The following CCDC25 variants were observed in gnomAD, a reference collection of about 807,000 sequenced individuals.
The protein encoded by CCDC25 is coiled-coil domain containing 25.
Under a neutral mutation model 35.3 loss-of-function variants are expected in CCDC25, and 16 were observed. The ratio of observed to expected loss-of-function variants is 0.45; its 90% CI spans 0.31 to 0.69. The LOEUF is 0.69. CCDC25 is among the 30% of genes least tolerant of loss of function. The pLI, the probability that CCDC25 is intolerant of heterozygous loss-of-function variation, is 0.06. For missense variants in CCDC25, 179 were observed against 250.7 expected (o/e 0.71, Z 1.93); for synonymous variants, 79 against 80.3 (o/e 0.98, Z 0.09).
At chr8:27,768,061 G>C (rs1333876528) in intron 1 of CCDC25, among the ~76,000 whole-genome samples, 1 of 151,214 alleles carries the variant, frequency 6.6e-6, no homozygotes, top group East Asian at 2.0e-4. Flanking sequence ...TTTTTAATTA[G>C]CTGGGTGTGG....
At chr8:27,749,871 C>T (rs1425243035) in intron 5 of CCDC25, among the ~76,000 whole-genome samples, 1 of 151,906 alleles carries the variant, frequency 6.6e-6, no homozygotes, top group Non-Finnish European at 1.5e-5. Flanking sequence ...GATGGTTCAG[C>T]TAAAAAGGTT....
chr8:27,740,612 G>A, intron 7 of CCDC25, 95 bp from the exon 8 acceptor site: 3 of 1,045,404 alleles, frequency 2.9e-6, no homozygotes, highest in Non-Finnish European at 4.2e-6. Flanking sequence ...CACTGCTCAG[G>A]GGCTTTAGAA....
chr8:27,735,889 A>G lies in CCDC25; in HGVS notation c.*327T>C, dbSNP rs552664085. The G allele has an allele frequency of 8.7e-5, 20 of 230,308 alleles. No homozygotes were observed. In the South Asian group the frequency reaches 2.3e-3, roughly 26 times the overall value. The allele number at this position is 230,308 out of a possible 1,614,324, so 14.3% of individuals were successfully genotyped here. ...GTTTTCAGGGATAGACCAGAGCAGC[A>G]GAAGTACTTTTCAGAGCTGGTTCAT... On this transcript the variant is annotated 3_prime_UTR_variant, in exon 9 of 9. Transcript: ENST00000356537.
intron 7 of CCDC25, among the ~76,000 whole-genome samples, chr8:27,744,777 C>T (rs538088533): frequency 6.6e-6 from 1 of 152,324 alleles, no homozygotes; most frequent in Non-Finnish European, 1.5e-5. Context: ...AGACTATTGG[C>T]TTCAGGATTA....
intron 5 of CCDC25, among the ~76,000 whole-genome samples, chr8:27,750,034 G>C (rs767073270): frequency 4.6e-5 from 7 of 152,214 alleles, no homozygotes; most frequent in Non-Finnish European, 8.8e-5. Flanking sequence ...AAATCTCCAT[G>C]TGCAAGGCAC....
Position 27,772,286 on chromosome 8 carries a change from C to T in CCDC25, c.28+227G>A, listed in dbSNP as rs537819054. 5.3e-5 allele frequency among the ~76,000 whole-genome samples: 8 copies of T among 152,346 alleles called. No individual in the cohort carries two copies. In the East Asian group the frequency reaches 1.5e-3, roughly 29 times the overall value. The stretch of plus-strand genomic sequence containing the variant: ...CGAGAACTCCCCGATACAAACATAG[C>T]AGTGGCATCGCCCCTCCGCGCCCCC... On this transcript the variant is annotated intron_variant, in intron 1 of 8. Transcript: ENST00000356537.
At chr8:27,736,502 T>C (rs1167700758) in intron 8 of CCDC25, among the ~76,000 whole-genome samples, 1 of 152,214 alleles carries the variant, frequency 6.6e-6, no homozygotes, top group Non-Finnish European at 1.5e-5. Context: ...CTCTAAATAA[T>C]GCAGTAAGTC....
chr8:27,755,103 C>T (rs1231554841), intron 4 of CCDC25, among the ~76,000 whole-genome samples: 1 of 152,158 alleles, frequency 6.6e-6, no homozygotes, highest in Non-Finnish European at 1.5e-5. Flanking sequence ...AATCATCACA[C>T]TCATAAACTA....
At chr8:27,760,398 C>T (rs1412319587) in intron 3 of CCDC25, among the ~76,000 whole-genome samples, 1 of 152,114 alleles carries the variant, frequency 6.6e-6, no homozygotes, top group Admixed American at 6.5e-5. Context: ...CAGGTGCAGC[C>T]ATTCTTATTC....
chr8:27,772,398 G>C, intron 1 of CCDC25, 115 bp downstream of exon 1: 1 of 998,008 alleles, frequency 1.0e-6, no homozygotes, highest in Non-Finnish European at 1.5e-6. Flanking sequence ...GCGGGAAGAG[G>C]CACTCGCATC....
intron 3 of CCDC25, among the ~76,000 whole-genome samples, chr8:27,757,329 G>A (rs1277882813): frequency 6.6e-6 from 1 of 152,212 alleles, no homozygotes; most frequent in African/African-American, 2.4e-5. Flanking sequence ...AGAGCTGGAA[G>A]AGTTAGGTGG....
intron 7 of CCDC25, among the ~76,000 whole-genome samples, chr8:27,744,310 T>G (rs1166920877): frequency 6.6e-6 from 1 of 152,186 alleles, no homozygotes. Flanking sequence ...AGTATATTCA[T>G]GACGTATGAC....
intron 2 of CCDC25, among the ~76,000 whole-genome samples, chr8:27,763,455 C>T (rs902463701): frequency 7.9e-5 from 12 of 152,196 alleles, no homozygotes; most frequent in African/African-American, 2.7e-4. Context: ...CAGTGGCTTA[C>T]GCCTGTAATC....
At chr8:27,754,261 A>T (rs1334923423) in intron 4 of CCDC25, among the ~76,000 whole-genome samples, 1 of 152,270 alleles carries the variant, frequency 6.6e-6, no homozygotes, top group Non-Finnish European at 1.5e-5. Flanking sequence ...TATTAATTGC[A>T]GCATATTATT....
At chr8:27,750,336 C>T (rs990712422) in intron 5 of CCDC25, among the ~76,000 whole-genome samples, 1 of 152,208 alleles carries the variant, frequency 6.6e-6, no homozygotes, top group Non-Finnish European at 1.5e-5. Flanking sequence ...AGACCTTGAA[C>T]AAGTTCCTTA....
At chr8:27,763,991 G>C (rs1804315487) in intron 2 of CCDC25, among the ~76,000 whole-genome samples, 1 of 152,304 alleles carries the variant, frequency 6.6e-6, no homozygotes, top group South Asian at 2.1e-4. Context: ...CTTTCCCTCA[G>C]TCAGGCAAAG....
At chr8:27,758,318 T>C (rs1804088654) in intron 3 of CCDC25, among the ~76,000 whole-genome samples, 1 of 152,226 alleles carries the variant, frequency 6.6e-6, no homozygotes, top group Non-Finnish European at 1.5e-5. Context: ...TATGATTCTA[T>C]ATAAAAGTGC....
chr8:27,762,592 G>T, intron 2 of CCDC25, 134 bp from the exon 3 acceptor site: 1 of 623,942 alleles, frequency 1.6e-6, no homozygotes, highest in Non-Finnish European at 2.8e-6. Context: ...TAATTCGGAG[G>T]CCTTGATGCT....
intron 3 of CCDC25, among the ~76,000 whole-genome samples, chr8:27,759,685 C>A (rs1273682385): frequency 4.1e-5 from 6 of 145,680 alleles, no homozygotes; most frequent in African/African-American, 1.5e-4. Context: ...GAGGCTGAGG[C>A]AGGAGAATAG....
Sources: allele counts gnomAD v4.1 joint callset (sites outside exome capture counted in the v4.1 genomes callset), GRCh38; gene constraint gnomAD v4.1.1; transcripts MANE v1.5; gene names NCBI Gene and HGNC (gene_info 2026-07-23, HGNC 2026-07-21).